The following ANXA3 variants were observed in gnomAD, a reference collection of about 807,000 sequenced individuals.
ANXA3 encodes the protein annexin A3, also known as 35-alpha calcimedin.
ANXA3 carries 46 observed loss-of-function variants against 48.8 expected under a neutral mutation model. That is an observed-to-expected ratio of 0.94 (90% CI 0.74 to 1.21). ANXA3 has a LOEUF of 1.21. ANXA3 is among the 50% of genes most tolerant of loss of function. The probability of loss-of-function intolerance (pLI) is 0.00; values close to 1 mark genes in which losing one functional copy is unlikely to be tolerated. For synonymous variants in ANXA3, 128 were observed against 134.7 expected, an observed-to-expected ratio of 0.95 and a Z score of 0.35; for missense variants, 383 against 378.6, an observed-to-expected ratio of 1.01 and a Z score of -0.10.
chr4:78,555,032 C>T (rs189533637), intron 2 of ANXA3, among the ~76,000 whole-genome samples: 9 of 152,196 alleles, frequency 5.9e-5, no homozygotes, highest in African/African-American at 2.2e-4. Flanking sequence ...ATGGTGAAAC[C>T]GTGTCTCTAC....
At chr4:78,601,866 A>G in intron 11 of ANXA3, 2 of 230,128 alleles carry the variant, frequency 8.7e-6, no homozygotes, top group Non-Finnish European at 1.7e-5. Flanking sequence ...GTTTAAGTAG[A>G]TGCTAATATT....
intron 2 of ANXA3, among the ~76,000 whole-genome samples, chr4:78,558,466 A>G (rs1034390165): frequency 1.1e-4 from 16 of 152,244 alleles, no homozygotes; most frequent in African/African-American, 3.9e-4. Flanking sequence ...ACACTCAAAC[A>G]TAAATAAGCA....
chr4:78,591,197 T>C (rs1191278157), intron 6 of ANXA3, among the ~76,000 whole-genome samples: 1 of 152,202 alleles, frequency 6.6e-6, no homozygotes, highest in Non-Finnish European at 1.5e-5. Flanking sequence ...GTTCTCTTAG[T>C]ATGGAAGATG....
rs77713657 is a variant in ANXA3, at chr4:78,605,930, G to A, written c.912+1531G>A. Among the ~76,000 whole-genome samples the A allele has an allele frequency of 9.1e-3, 1,382 of 152,346 alleles. 23 individuals are homozygous for A. Among genetic ancestry groups the A allele is most frequent in the African/African-American group, 0.032 (1,312 of 41,578 alleles). On this transcript the variant is annotated intron_variant, in intron 12 of 12. Transcript: ENST00000264908. ...GAACTAAGGGGCTAGCCCCACACCT[G>A]CTCAGTAGCCTTCCATTGATTTACT...
Position 78,563,383 on chromosome 4 carries a change from G to A in ANXA3, c.15+8895G>A, listed in dbSNP as rs557357396. 4.9e-4 allele frequency among the ~76,000 whole-genome samples: 74 copies of A among 152,036 alleles called. 1 individual carries two copies. Among genetic ancestry groups the A allele is most frequent in the Non-Finnish European group, 8.1e-4 (55 of 68,004 alleles). On this transcript the variant is annotated intron_variant, in intron 2 of 12. Transcript: ENST00000264908. ...GTGCTGTGGTCTAAATGTCTGTGTC[G>A]TTCCCCCTCCCCCACCAACCTGCCC...
At chr4:78,565,602 G>A (rs1250619071) in intron 2 of ANXA3, among the ~76,000 whole-genome samples, 3 of 152,168 alleles carry the variant, frequency 2.0e-5, no homozygotes, top group Non-Finnish European at 4.4e-5. Flanking sequence ...GAGCAAATTG[G>A]CGATGAGCAC....
intron 7 of ANXA3, among the ~76,000 whole-genome samples, chr4:78,592,376 A>G (rs896194045): frequency 6.6e-6 from 1 of 152,220 alleles, no homozygotes; most frequent in African/African-American, 2.4e-5. Flanking sequence ...TTGAAACAGC[A>G]CCTGTCAAAG....
intron 5 of ANXA3, among the ~76,000 whole-genome samples, chr4:78,583,983 C>A (rs1412095572): frequency 6.6e-6 from 1 of 152,126 alleles, no homozygotes; most frequent in East Asian, 1.9e-4. Flanking sequence ...ACCGTCATAC[C>A]CCCTCCTGCT....
chr4:78,589,482 G>A (rs1329722272), intron 6 of ANXA3, among the ~76,000 whole-genome samples: 1 of 152,200 alleles, frequency 6.6e-6, no homozygotes, highest in East Asian at 1.9e-4. Flanking sequence ...TCTCTCGGCA[G>A]CAGGCATCCA....
chr4:78,552,935 T>C (rs1722429968), intron 1 of ANXA3, among the ~76,000 whole-genome samples: 1 of 152,248 alleles, frequency 6.6e-6, no homozygotes, highest in African/African-American at 2.4e-5. Context: ...GAGGAGGAAG[T>C]AAAAGGAAAT....
chr4:78,590,320 A>T (rs187075526), intron 6 of ANXA3, among the ~76,000 whole-genome samples: 1 of 152,336 alleles, frequency 6.6e-6, no homozygotes, highest in African/African-American at 2.4e-5. Context: ...GATTTTGCTT[A>T]TATGAATTGC....
intron 2 of ANXA3, among the ~76,000 whole-genome samples, chr4:78,567,939 G>A (rs1722764586): frequency 6.6e-6 from 1 of 152,188 alleles, no homozygotes; most frequent in Admixed American, 6.5e-5. Context: ...CATACTGGCA[G>A]CTCGCAGCTG....
At chr4:78,561,683 G>A (rs1722630811) in intron 2 of ANXA3, among the ~76,000 whole-genome samples, 1 of 152,076 alleles carries the variant, frequency 6.6e-6, no homozygotes, top group Admixed American at 6.6e-5. Flanking sequence ...GGAAGATCAA[G>A]CTTGGTGACT....
chr4:78,584,626 T>G (rs986888721), intron 5 of ANXA3, among the ~76,000 whole-genome samples: 2 of 152,122 alleles, frequency 1.3e-5, no homozygotes, highest in Non-Finnish European at 2.9e-5. Flanking sequence ...AATGTATTAA[T>G]TAATAGGAAG....
At chr4:78,608,788 T>G (rs1234835538) in intron 12 of ANXA3, among the ~76,000 whole-genome samples, 3 of 152,140 alleles carry the variant, frequency 2.0e-5, no homozygotes, top group African/African-American at 7.2e-5. Flanking sequence ...TGGTTTTACA[T>G]GTATTGAGTT....
chr4:78,578,526 T>C (rs938426571), intron 3 of ANXA3, among the ~76,000 whole-genome samples: 29 of 152,316 alleles, frequency 1.9e-4, no homozygotes, highest in African/African-American at 7.0e-4. Flanking sequence ...GCAAGGAAGA[T>C]AAGTTCGTGT....
chr4:78,582,963 T>C (rs1342669158), intron 5 of ANXA3, among the ~76,000 whole-genome samples: 1 of 152,218 alleles, frequency 6.6e-6, no homozygotes, highest in African/African-American at 2.4e-5. Flanking sequence ...TGTCTAACTC[T>C]GTGGCTTTTT....
chr4:78,556,308 T>C (rs772555629), intron 2 of ANXA3, among the ~76,000 whole-genome samples: 4 of 152,142 alleles, frequency 2.6e-5, no homozygotes, highest in Non-Finnish European at 5.9e-5. Context: ...GAATTGACAT[T>C]AAAAAAGTCC....
At chr4:78,592,586 T>C (rs540116956) in intron 7 of ANXA3, among the ~76,000 whole-genome samples, 2 of 152,284 alleles carry the variant, frequency 1.3e-5, no homozygotes, top group South Asian at 4.1e-4. Flanking sequence ...GGAGGCAGTA[T>C]AGAGTAGGGC....
Sources: allele counts gnomAD v4.1 joint callset (sites outside exome capture counted in the v4.1 genomes callset), GRCh38; gene constraint gnomAD v4.1.1; transcripts MANE v1.5; gene names NCBI Gene and HGNC (gene_info 2026-07-23, HGNC 2026-07-21).